HERC2: variants seen among roughly 807,000 people sequenced by gnomAD.
HERC2 encodes the protein HECT and RLD domain containing E3 ubiquitin protein ligase 2.
Under a neutral mutation model 537.7 loss-of-function variants are expected in HERC2, and 102 were observed. The ratio of observed to expected loss-of-function variants is 0.19; its 90% CI spans 0.16 to 0.22. HERC2 has a LOEUF of 0.22. Among genes scored for constraint, HERC2 ranks in the 10% least tolerant of loss-of-function variants. The probability of loss-of-function intolerance (pLI) is 1.00; values close to 1 mark genes in which losing one functional copy is unlikely to be tolerated. For synonymous variants in HERC2, 2,224 were observed against 2,466.2 expected (o/e 0.90, Z 2.91); for missense variants, 4,236 against 6,198.2 (o/e 0.68, Z 10.63).
At chr15:28,250,220 T>A (rs1327015957) in intron 20 of HERC2, among the ~76,000 whole-genome samples, 1 of 151,950 alleles carries the variant, frequency 6.6e-6, no homozygotes, top group African/African-American at 2.4e-5. Flanking sequence ...GCAGCATGAG[T>A]AAGGACAGAA....
chr15:28,217,591 A>C (rs1281750885), intron 38 of HERC2, among the ~76,000 whole-genome samples: 2 of 152,150 alleles, frequency 1.3e-5, no homozygotes, highest in Non-Finnish European at 2.9e-5. Flanking sequence ...TACTCTCCAC[A>C]CAAACACTTT....
rs573903018 is a variant in HERC2 at position 28,223,478 on chromosome 15, G to A, written c.5465-1263C>T. Among the ~76,000 whole-genome samples the A allele has an allele frequency of 8.2e-4, 125 of 152,216 alleles. 1 individual carries two copies. The highest frequency in any genetic ancestry group is 5.8e-3 in the South Asian group (28 of 4,818). ...GCAAAACTTTAGATAAACTAGCAGGGGAAACAGCCTTTCCTTTAGCCTAGC... is the reference window on the plus strand; with the variant it reads ...GCAAAACTTTAGATAAACTAGCAGGAGAAACAGCCTTTCCTTTAGCCTAGC... On this transcript the variant is annotated intron_variant, in intron 35 of 92. Transcript: ENST00000261609.
chr15:28,242,488 A>G (rs1903230204), intron 23 of HERC2, among the ~76,000 whole-genome samples: 1 of 152,222 alleles, frequency 6.6e-6, no homozygotes, highest in Non-Finnish European at 1.5e-5. Flanking sequence ...AACGGGTTGC[A>G]TGGGACCTAT....
chr15:28,288,618 C>A (rs971308439), intron 4 of HERC2, among the ~76,000 whole-genome samples: 5 of 150,248 alleles, frequency 3.3e-5, no homozygotes, highest in Admixed American at 2.0e-4. Context: ...GGCTGAGGCA[C>A]GTGGATCACC....
chr15:28,199,871 G>A (rs1223411045), intron 48 of HERC2, among the ~76,000 whole-genome samples: 1 of 152,172 alleles, frequency 6.6e-6, no homozygotes, highest in Non-Finnish European at 1.5e-5. Flanking sequence ...ACCTCCAAAT[G>A]CAGACTGTAA....
chr15:28,318,351 G>T (rs546310835), intron 2 of HERC2, among the ~76,000 whole-genome samples: 377 of 152,230 alleles, frequency 2.5e-3, no homozygotes, highest in African/African-American at 8.6e-3. Context: ...AACAGGCCGG[G>T]CGCGGTGGCT....
chr15:28,293,811 A>C (rs74482920), intron 3 of HERC2, among the ~76,000 whole-genome samples: 39 of 152,338 alleles, frequency 2.6e-4, no homozygotes, highest in East Asian at 1.7e-3. Flanking sequence ...AGCACTGGGA[A>C]ACAAAGGAAA....
rs546924701 is a variant in HERC2 at position 28,238,998 on chromosome 15, G to A, written c.3578-226C>T. ...TGAATACCAAATTGGGCCATGCCAG[G>A]CCACAGAGCAAATCTCAACAGATTT... On this transcript the variant is annotated intron_variant, in intron 23 of 92. Transcript: ENST00000261609. 2.0e-5 allele frequency among the ~76,000 whole-genome samples: 3 copies of A among 152,244 alleles called. No homozygotes were observed. In the South Asian group the frequency reaches 6.2e-4, roughly 32 times the overall value.
intron 2 of HERC2, among the ~76,000 whole-genome samples, chr15:28,301,038 G>C (rs1416130985): frequency 6.6e-6 from 1 of 151,922 alleles, no homozygotes; most frequent in African/African-American, 2.4e-5. Context: ...CCCAATAAAA[G>C]ACGCTAGGGC....
intron 52 of HERC2, among the ~76,000 whole-genome samples, chr15:28,195,821 T>A (rs1271670887): frequency 1.3e-5 from 2 of 152,142 alleles, no homozygotes; most frequent in Non-Finnish European, 2.9e-5. Context: ...AGAAAATGAT[T>A]AAGTGGCTAA....
At chr15:28,319,604 A>G (rs1206987457) in intron 2 of HERC2, among the ~76,000 whole-genome samples, 2 of 150,678 alleles carry the variant, frequency 1.3e-5, no homozygotes, top group African/African-American at 4.9e-5. Flanking sequence ...AAAAAAAAAA[A>G]AAAGACTTTC....
chr15:28,272,698 G>C (rs1282111241), intron 8 of HERC2, among the ~76,000 whole-genome samples, 196 bp downstream of exon 8: 1 of 151,994 alleles, frequency 6.6e-6, no homozygotes, highest in East Asian at 1.9e-4. Context: ...AAAAAGAACA[G>C]TTCCCAGGCT....
At chr15:28,128,000 A>G (rs1394144153) in intron 83 of HERC2, among the ~76,000 whole-genome samples, 2 of 152,170 alleles carry the variant, frequency 1.3e-5, no homozygotes, top group African/African-American at 4.8e-5. Context: ...TAACCAAGCA[A>G]CTGTAGTGAG....
At chr15:28,299,038 C>T (rs2076549122) in intron 3 of HERC2, among the ~76,000 whole-genome samples, 2 of 152,096 alleles carry the variant, frequency 1.3e-5, no homozygotes, top group Admixed American at 6.6e-5. Flanking sequence ...GAAACACAGC[C>T]ACTGTTATGA....
chr15:28,186,757 A>G lies in HERC2; in HGVS notation c.8650-5T>C, dbSNP rs1896344943. Reference sequence around the variant, plus strand: ...AATTTCAATATACCTGTGATACTAGACACAAAAACCATGATCTATAGACTC... The same window carrying G: ...AATTTCAATATACCTGTGATACTAGGCACAAAAACCATGATCTATAGACTC... On this transcript the variant is annotated splice_region_variant and splice_polypyrimidine_tract_variant and intron_variant, in intron 55 of 92. Coordinates refer to ENST00000261609, the MANE Select transcript of HERC2 (RefSeq NM_004667.6). 3 of 1,608,930 alleles carry G rather than the reference A, an allele frequency of 1.9e-6. No individual in the cohort carries two copies. The highest frequency in any genetic ancestry group is 2.6e-6 in the Non-Finnish European group (3 of 1,175,568).
chr15:28,230,870 G>A (rs1012241767), intron 30 of HERC2, among the ~76,000 whole-genome samples: 4 of 151,862 alleles, frequency 2.6e-5, no homozygotes, highest in African/African-American at 9.7e-5. Context: ...CTGTGCTCCT[G>A]TAAAACTTTA....
At chr15:28,260,372 GATA>G (rs1183228644) in intron 16 of HERC2, among the ~76,000 whole-genome samples, 6 of 152,140 alleles carry the variant, frequency 3.9e-5, no homozygotes, top group Admixed American at 3.3e-4. Flanking sequence ...CCCTTAATCT[GATA>G]ATAAGGCATC....
At chr15:28,173,791 CAAAA>C (rs756958450) in intron 65 of HERC2, among the ~76,000 whole-genome samples, 1 of 70,948 alleles carries the variant, frequency 1.4e-5, no homozygotes. Context: ...ACCCTGTCTA[CAAAA>C]AAAAAAAAAA....
chr15:28,274,765 C>A (rs1187149041), intron 6 of HERC2, 140 bp downstream of exon 6: 2 of 714,252 alleles, frequency 2.8e-6, no homozygotes, highest in African/African-American at 3.5e-5. Flanking sequence ...TCTGCAGCCT[C>A]TCATCTCACA....
Sources: gnomAD v4.1 joint callset for allele counts (sites outside exome capture counted in the v4.1 genomes callset) on GRCh38, gnomAD v4.1.1 for gene constraint, MANE v1.5 for transcripts, NCBI Gene and HGNC (gene_info 2026-07-23, HGNC 2026-07-21) for gene names.